The following SETD2 variants were observed in gnomAD, a reference collection of about 807,000 sequenced individuals.
SETD2 encodes SET domain containing 2, histone lysine methyltransferase, also known as histone-lysine N-methyltransferase SETD2.
In SETD2, 31 loss-of-function variants were observed where a neutral mutation model predicts 242.1. The observed-to-expected ratio is 0.13, with a 90% CI of 0.10 to 0.17. SETD2 has a LOEUF of 0.17. Ranked by LOEUF, SETD2 falls within the 10% of genes least tolerant of loss-of-function variation. The pLI, the probability that SETD2 is intolerant of heterozygous loss-of-function variation, is 1.00. For synonymous variants in SETD2, 1,006 were observed against 1,066.5 expected (o/e 0.94, Z 1.11); for missense variants, 2,481 against 3,046.3 (o/e 0.81, Z 4.37).
chr3:47,027,782 GT>G (rs762410250), intron 18 of SETD2, among the ~76,000 whole-genome samples: 3 of 125,838 alleles, frequency 2.4e-5, no homozygotes, highest in African/African-American at 8.2e-5. Flanking sequence ...GCTGCTGCTG[GT>G]TTTTTTTTTT....
chr3:47,138,658 T>C (rs1209939145), intron 1 of SETD2, among the ~76,000 whole-genome samples: 2 of 151,922 alleles, frequency 1.3e-5, no homozygotes, highest in East Asian at 1.9e-4. Flanking sequence ...CAAACTCTGG[T>C]GATTCACCCA....
chr3:47,149,888 TGACA>T (rs1193130268), intron 1 of SETD2, among the ~76,000 whole-genome samples: 2 of 152,150 alleles, frequency 1.3e-5, no homozygotes, highest in Non-Finnish European at 2.9e-5. Flanking sequence ...AGTTAGAAAC[TGACA>T]GACTTTAGAA....
At chr3:47,090,093 C>T (rs1354551162) in intron 9 of SETD2, among the ~76,000 whole-genome samples, 1 of 151,968 alleles carries the variant, frequency 6.6e-6, no homozygotes, top group Non-Finnish European at 1.5e-5. Flanking sequence ...AATAAAAATA[C>T]AAAAATTAGC....
intron 4 of SETD2, among the ~76,000 whole-genome samples, chr3:47,114,338 T>C (rs2042773155): frequency 6.6e-6 from 1 of 152,226 alleles, no homozygotes; most frequent in South Asian, 2.1e-4. Flanking sequence ...AGAACTTATA[T>C]TCTGTAAGTG....
chr3:47,082,190 T>A (rs1197367758), intron 12 of SETD2, among the ~76,000 whole-genome samples: 1 of 152,234 alleles, frequency 6.6e-6, no homozygotes, highest in African/African-American at 2.4e-5. Context: ...CAAGAATATT[T>A]ACTTTTTCCA....
chr3:47,102,676 C>T (rs1484768133), intron 7 of SETD2, among the ~76,000 whole-genome samples: 2 of 151,712 alleles, frequency 1.3e-5, no homozygotes. Context: ...CACGTGTAAT[C>T]CCAGCTACTT....
chr3:47,051,123 G>A (rs1397906669), intron 15 of SETD2, among the ~76,000 whole-genome samples: 1 of 146,738 alleles, frequency 6.8e-6, no homozygotes, highest in South Asian at 2.1e-4. Flanking sequence ...TTTTTTTTCT[G>A]AGACAAGGTC....
intron 1 of SETD2, among the ~76,000 whole-genome samples, chr3:47,139,336 T>C (rs2043669958): frequency 1.3e-5 from 2 of 152,184 alleles, no homozygotes; most frequent in African/African-American, 4.8e-5. Context: ...TTCCTATCCT[T>C]TTCTTACCTT....
At chr3:47,043,887 C>CA (rs1348201599) in intron 16 of SETD2, among the ~76,000 whole-genome samples, 10 of 151,642 alleles carry the variant, frequency 6.6e-5, no homozygotes, top group Non-Finnish European at 1.5e-4. Flanking sequence ...TAGTTTAAGG[C>CA]AAAAAAGAAA....
chr3:47,147,554 T>C (rs1428277919), intron 1 of SETD2, among the ~76,000 whole-genome samples: 1 of 151,534 alleles, frequency 6.6e-6, no homozygotes, highest in Non-Finnish European at 1.5e-5. Flanking sequence ...TGTCAGGTGA[T>C]CCACCTGCCT....
chr3:47,125,733 GT>G (rs1394161828), intron 2 of SETD2, among the ~76,000 whole-genome samples: 2 of 152,178 alleles, frequency 1.3e-5, no homozygotes, highest in African/African-American at 4.8e-5. Context: ...TTTCTTCCAT[GT>G]TTGCCAAATC....
chr3:47,136,547 A>T (rs1027114048), intron 1 of SETD2, among the ~76,000 whole-genome samples: 1 of 152,196 alleles, frequency 6.6e-6, no homozygotes, highest in Non-Finnish European at 1.5e-5. Flanking sequence ...CAAAAGACCA[A>T]ATACTAAATG....
Position 47,122,679 on chromosome 3 carries a change from C to T in SETD2, c.1957G>A (p.Asp653Asn), listed in dbSNP as rs2043149282. ...TCATTCTTCACTTTAGATAAAGAGTCTAATTCCTTAATACTATCATGGCTA... is the reference window on the plus strand; with the variant it reads ...TCATTCTTCACTTTAGATAAAGAGTTTAATTCCTTAATACTATCATGGCTA... ...HDSHDSIKELDSLSKVKNDQL... is the reference protein window; with the variant it reads ...HDSHDSIKELNSLSKVKNDQL... The change falls in exon 3 of 21, where the codon GAC becomes AAC. Residue 653 changes from aspartate (D) to asparagine (N), a missense_variant. Physicochemically the swap from Asp to Asn is conservative, Grantham distance 23. Coordinates refer to ENST00000409792, the MANE Select transcript of SETD2 (RefSeq NM_014159.7). 6.2e-7 allele frequency: 1 copy of T among 1,613,390 alleles called. No individual in the cohort carries two copies. Among genetic ancestry groups the T allele is most frequent in the Non-Finnish European group, 8.5e-7 (1 of 1,179,602 alleles).
chr3:47,154,645 C>G (rs2044083438), intron 1 of SETD2, among the ~76,000 whole-genome samples: 1 of 152,078 alleles, frequency 6.6e-6, no homozygotes, highest in African/African-American at 2.4e-5. Context: ...CTTCTATAAA[C>G]ATTTGTATTG....
At chr3:47,149,096 C>T (rs1051222248) in intron 1 of SETD2, among the ~76,000 whole-genome samples, 2 of 152,184 alleles carry the variant, frequency 1.3e-5, no homozygotes, top group African/African-American at 2.4e-5. Context: ...ATTATAAGTA[C>T]ATCAAGGTCA....
chr3:47,148,176 G>A (rs2043905804), intron 1 of SETD2, among the ~76,000 whole-genome samples: 1 of 151,950 alleles, frequency 6.6e-6, no homozygotes, highest in South Asian at 2.1e-4. Context: ...TGTCACCCAG[G>A]CTGGATTGCA....
At chr3:47,030,191 G>A (rs893701209) in intron 18 of SETD2, among the ~76,000 whole-genome samples, 2 of 151,666 alleles carry the variant, frequency 1.3e-5, no homozygotes, top group Non-Finnish European at 2.9e-5. Context: ...ATACAATGAA[G>A]TGAAAGGTAT....
chr3:47,044,406 CG>C lies in SETD2; in HGVS notation c.7099-1707del. Among the ~76,000 whole-genome samples, 3 of 124,790 alleles carry C rather than the reference CG, an allele frequency of 2.4e-5. No individual in the cohort carries two copies. The Middle Eastern group carries it at 0.016, about 686-fold the overall frequency. The allele number at this position is 124,790 out of a possible 152,430, so 81.9% of individuals were successfully genotyped here. A position where few individuals can be genotyped will look rare whatever the true frequency, so the allele number is the denominator to read the frequency against. ...AAAAAAGGCCTAGAAGGGCTCAACT[CG>C]TAACAAGCACTCAAACATCTGCTCT... On this transcript the variant is annotated intron_variant, in intron 16 of 20. Coordinates refer to ENST00000409792, the MANE Select transcript of SETD2 (RefSeq NM_014159.7).
At chr3:47,069,234 G>A (rs2040705952) in intron 12 of SETD2, among the ~76,000 whole-genome samples, 2 of 152,126 alleles carry the variant, frequency 1.3e-5, no homozygotes, top group African/African-American at 4.8e-5. Flanking sequence ...TCTAACTCAA[G>A]AGCACTTTTA....
Sources: allele counts gnomAD v4.1 joint callset (sites outside exome capture counted in the v4.1 genomes callset), GRCh38; gene constraint gnomAD v4.1.1; transcripts MANE v1.5; gene names NCBI Gene and HGNC (gene_info 2026-07-23, HGNC 2026-07-21).